Variants in SMCHD1 observed in about 807,000 individuals in gnomAD.
SMCHD1 encodes the protein structural maintenance of chromosomes flexible hinge domain containing 1.
Under a neutral mutation model 254.7 loss-of-function variants are expected in SMCHD1, and 78 were observed. That is an observed-to-expected ratio of 0.31 (90% CI 0.26 to 0.37). The LOEUF is 0.37. SMCHD1 is among the 10% of genes least tolerant of loss of function. The pLI, the probability that SMCHD1 is intolerant of heterozygous loss-of-function variation, is 1.00. For synonymous variants in SMCHD1, 766 were observed against 794.9 expected (o/e 0.96, Z 0.61); for missense variants, 1,840 against 2,408.1 (o/e 0.76, Z 4.94).
At chr18:2,699,552 G>T (rs1241720839) in intron 10 of SMCHD1, among the ~76,000 whole-genome samples, 1 of 152,086 alleles carries the variant, frequency 6.6e-6, no homozygotes, top group East Asian at 1.9e-4. Context: ...GTTGCCAAGG[G>T]TAGTCTCAAA....
intron 20 of SMCHD1, among the ~76,000 whole-genome samples, chr18:2,724,006 G>T (rs918861382): frequency 1.3e-5 from 2 of 151,036 alleles, no homozygotes; most frequent in Non-Finnish European, 3.0e-5. Flanking sequence ...CTTCCTTTCC[G>T]TTTTTTCTTT....
At chr18:2,751,898 A>G (rs576174430) in intron 33 of SMCHD1, among the ~76,000 whole-genome samples, 2 of 152,258 alleles carry the variant, frequency 1.3e-5, no homozygotes, top group East Asian at 1.9e-4. Flanking sequence ...CCATTTCAAC[A>G]TATATTCAAT....
In SMCHD1 at chr18:2,698,016, C is replaced by T. The variant is rs1341347763; in HGVS notation, c.1317C>T (p.Tyr439=). The T allele has an allele frequency of 1.9e-6, 3 of 1,612,214 alleles. No individual in the cohort carries two copies. In the African/African-American group the frequency reaches 4.0e-5, roughly 21 times the overall value. Residue 439 remains tyrosine, a synonymous_variant, in exon 10 of 48, where the codon TAC becomes TAT. Transcript: ENST00000320876. ...CATTCTTATATGATAGAGAAACTTACCCTGATGATCCATGCTTTCCATCAA... is the reference window on the plus strand; with the variant it reads ...CATTCTTATATGATAGAGAAACTTATCCTGATGATCCATGCTTTCCATCAA... ...YHPFLYDRET[Y]PDDPCFPSKL... is the part of the protein sequence containing the mutation.
rs1188522532 is a variant in SMCHD1, at chr18:2,700,788, A to G, written c.1517A>G (p.Tyr506Cys). 9.9e-6 allele frequency: 16 copies of G among 1,613,212 alleles called. No homozygotes were observed. Among genetic ancestry groups the G allele is most frequent in the Non-Finnish European group, 1.3e-5 (15 of 1,179,496 alleles). ...KKRGLAPIECYNRISGALFTN... is the reference protein window; with the variant it reads ...KKRGLAPIECCNRISGALFTN... ...AGAGGGCTTGCACCAATTGAATGCT[A>G]CAATAGGATATCTGGTGCATTATTC... Residue 506 changes from tyrosine to cysteine, a missense_variant, in exon 12 of 48, where the codon TAC becomes TGC. Coordinates refer to ENST00000320876, the MANE Select transcript of SMCHD1 (RefSeq NM_015295.3).
At chr18:2,790,139 G>A (rs989690230) in intron 45 of SMCHD1, among the ~76,000 whole-genome samples, 1 of 152,062 alleles carries the variant, frequency 6.6e-6, no homozygotes, top group Non-Finnish European at 1.5e-5. Context: ...CCGACATCGC[G>A]CCACTGCACT....
intron 44 of SMCHD1, among the ~76,000 whole-genome samples, chr18:2,780,236 TCTAAAA>T (rs2076132551): frequency 1.3e-5 from 1 of 74,760 alleles, no homozygotes. Flanking sequence ...CAAGACTCTA[TCTAAAA>T]AAAAAAAAAA....
chr18:2,745,441 T>C (rs2075435152), intron 29 of SMCHD1, among the ~76,000 whole-genome samples: 1 of 152,236 alleles, frequency 6.6e-6, no homozygotes, highest in Admixed American at 6.5e-5. Context: ...GATTGATCTT[T>C]TTCACTTGTG....
Position 2,699,173 on chromosome 18 carries a change from C to T in SMCHD1, c.1342+1132C>T, listed in dbSNP as rs115826094. Among the ~76,000 whole-genome samples, 333 of 152,240 alleles carry T rather than the reference C, an allele frequency of 2.2e-3. 2 individuals are homozygous for T. The highest frequency in any genetic ancestry group is 7.8e-3 in the African/African-American group (322 of 41,546). On this transcript the variant is annotated intron_variant, in intron 10 of 47. Transcript: ENST00000320876. Reference sequence around the variant, plus strand: ...TTTCTGTTGGACAAACTACTCCCTGCCTTAGTTTCCTTACCTGGGAAATGG... The same window carrying T: ...TTTCTGTTGGACAAACTACTCCCTGTCTTAGTTTCCTTACCTGGGAAATGG...
Position 2,743,822 on chromosome 18 carries a change from A to G in SMCHD1, c.3695A>G (p.Lys1232Arg). 1.2e-6 allele frequency: 2 copies of G among 1,613,280 alleles called. No individual in the cohort carries two copies. The highest frequency in any genetic ancestry group is 1.7e-6 in the Non-Finnish European group (2 of 1,179,530). Residue 1232 changes from lysine (K) to arginine (R), a missense_variant, in exon 29 of 48, where the codon AAG becomes AGG. Physicochemically the swap from Lys to Arg is conservative, Grantham distance 26. Around this residue, in one of 9 missense-constraint regions of SMCHD1, gnomAD observed 881 missense variants for 1,009.5 expected, o/e 0.87. Transcript: ENST00000320876. ...IKFIPGPPGN[K>R]DLCFTWREFS... ...TTTATTCCAGGTCCTCCTGGAAATAAGGATCTTTGTTTTACTTGGCGTGAG... is the reference window on the plus strand; with the variant it reads ...TTTATTCCAGGTCCTCCTGGAAATAGGGATCTTTGTTTTACTTGGCGTGAG...
intron 5 of SMCHD1, among the ~76,000 whole-genome samples, chr18:2,676,014 TC>T (rs1451992369): frequency 4.6e-5 from 7 of 152,204 alleles, no homozygotes; most frequent in African/African-American, 1.4e-4. Flanking sequence ...CATTATCAGT[TC>T]CTTGACCCAC....
intron 17 of SMCHD1, among the ~76,000 whole-genome samples, chr18:2,709,428 TG>T (rs1435604806): frequency 6.6e-6 from 1 of 152,132 alleles, no homozygotes; most frequent in Non-Finnish European, 1.5e-5. Flanking sequence ...GTGGACTTGC[TG>T]GGTCATATTA....
intron 24 of SMCHD1, among the ~76,000 whole-genome samples, chr18:2,730,391 C>T (rs1380806256): frequency 6.6e-6 from 1 of 152,086 alleles, no homozygotes; most frequent in Non-Finnish European, 1.5e-5. Context: ...AGGATGGTCT[C>T]GACCTCCTGA....
In SMCHD1 at chr18:2,773,154, C is replaced by T. The variant is rs76609838; in HGVS notation, c.5175+782C>T. ...GTGTAGCAATGTGTATGACCAAAAC[C>T]GTGTTACGTTATTACCCAAACCTCA... On this transcript the variant is annotated intron_variant, in intron 41 of 47. Transcript: ENST00000320876. Among the ~76,000 whole-genome samples, 883 of 152,072 alleles carry T rather than the reference C, an allele frequency of 5.8e-3. 13 individuals carry two copies. Among genetic ancestry groups the T allele is most frequent in the Non-Finnish European group, 7.7e-3 (521 of 67,978 alleles).
chr18:2,706,798 TA>T (rs956174284), intron 15 of SMCHD1, among the ~76,000 whole-genome samples: 2 of 152,318 alleles, frequency 1.3e-5, no homozygotes, highest in African/African-American at 4.8e-5. Context: ...ATGAGTGTAT[TA>T]GTTCGTTTTC....
At chr18:2,764,259 G>A (rs1322784918) in intron 37 of SMCHD1, among the ~76,000 whole-genome samples, 1 of 152,106 alleles carries the variant, frequency 6.6e-6, no homozygotes, top group African/African-American at 2.4e-5. Context: ...TAGCAACTTA[G>A]TATTACCTTC....
chr18:2,794,313 G>C (rs979306591), intron 45 of SMCHD1, among the ~76,000 whole-genome samples: 1 of 152,114 alleles, frequency 6.6e-6, no homozygotes, highest in Non-Finnish European at 1.5e-5. Flanking sequence ...GAACAGCATA[G>C]TGAAACCCCG....
intron 20 of SMCHD1, 149 bp from the exon 21 acceptor site, chr18:2,724,750 T>C (rs539969918): frequency 6.3e-5 from 27 of 427,036 alleles, no homozygotes; most frequent in Non-Finnish European, 9.2e-5. Flanking sequence ...AAGAAATCCA[T>C]TGGAATTTTT....
intron 17 of SMCHD1, among the ~76,000 whole-genome samples, chr18:2,713,049 A>C (rs1376103532): frequency 1.3e-5 from 2 of 152,156 alleles, no homozygotes. Flanking sequence ...GGGGTGACAA[A>C]CTATTTGGAA....
Position 2,775,842 on chromosome 18 carries a change from C to G in SMCHD1, c.5284C>G (p.Arg1762Gly), listed in dbSNP as rs202006154. ...VVTLTTDAAR[R>G]IYDETQGRQQ... ...CACCCTAACCACTGACGCTGCACGT[C>G]GTATCTATGATGAAACCCAAGGTCG... Residue 1762 changes from arginine (R) to glycine (G), a missense_variant, in exon 42 of 48, where the codon CGT becomes GGT. By Grantham distance (125) the Arg-to-Gly change is moderately radical (BLOSUM62 -2). Transcript: ENST00000320876. 2 of 1,612,426 alleles carry G rather than the reference C, an allele frequency of 1.2e-6. No homozygotes were observed.
Sources: gnomAD v4.1 joint callset for allele counts (sites outside exome capture counted in the v4.1 genomes callset) on GRCh38, gnomAD v4.1.1 for gene constraint, gnomAD v4.1.1 regional missense constraint, MANE v1.5 for transcripts, NCBI Gene and HGNC (gene_info 2026-07-23, HGNC 2026-07-21) for gene names.